Variants in PSD3 observed in about 807,000 individuals in gnomAD.
PSD3 encodes pleckstrin and Sec7 domain containing 3.
PSD3 carries 49 observed loss-of-function variants against 105.5 expected under a neutral mutation model. That is an observed-to-expected ratio of 0.46 (90% CI 0.37 to 0.59). The LOEUF (loss-of-function observed/expected upper bound fraction) is 0.59, where lower values mean the gene tolerates loss of function less well. PSD3 is among the 20% of genes least tolerant of loss of function. The pLI is 0.00. For missense variants in PSD3, 1,561 were observed against 1,263.8 expected (o/e 1.24, Z -3.57); for synonymous variants, 557 against 457.8 (o/e 1.22, Z -2.77).
At chr8:18,684,334 CTTGTGATAT>C (rs1800549361) in intron 9 of PSD3, among the ~76,000 whole-genome samples, 1 of 152,006 alleles carries the variant, frequency 6.6e-6, no homozygotes, top group Non-Finnish European at 1.5e-5. Context: ...CACTATTTCT[CTTGTGATAT>C]TTGTGAAGTA....
At chr8:18,790,162 C>A (rs1051163912) in intron 8 of PSD3, among the ~76,000 whole-genome samples, 3 of 152,036 alleles carry the variant, frequency 2.0e-5, no homozygotes, top group Non-Finnish European at 4.4e-5. Flanking sequence ...ACAAAATTGA[C>A]CAGTGCATGA....
chr8:18,665,128 T>C (rs1442690417), intron 9 of PSD3, among the ~76,000 whole-genome samples: 10 of 152,220 alleles, frequency 6.6e-5, no homozygotes, highest in Admixed American at 6.5e-4. Flanking sequence ...CCAAGTCTTA[T>C]TATTTAAATA....
chr8:18,662,163 T>A (rs946891937), intron 9 of PSD3, among the ~76,000 whole-genome samples: 2 of 152,200 alleles, frequency 1.3e-5, no homozygotes, highest in East Asian at 1.9e-4. Flanking sequence ...CAAATTCGTA[T>A]TAATGAACAC....
At chr8:18,905,386 C>T (rs1203714566) in intron 2 of PSD3, among the ~76,000 whole-genome samples, 5 of 152,148 alleles carry the variant, frequency 3.3e-5, no homozygotes, top group African/African-American at 4.8e-5. Flanking sequence ...TGCAGTGGCG[C>T]GATCTCAGCT....
At chr8:18,664,300 C>T (rs1313295430) in intron 9 of PSD3, among the ~76,000 whole-genome samples, 1 of 152,188 alleles carries the variant, frequency 6.6e-6, no homozygotes, top group East Asian at 1.9e-4. Flanking sequence ...AAAAGTGTTA[C>T]TCCAGGGAAC....
At chr8:18,629,660 G>A (rs891166972) in intron 11 of PSD3, among the ~76,000 whole-genome samples, 4 of 151,844 alleles carry the variant, frequency 2.6e-5, no homozygotes, top group Non-Finnish European at 5.9e-5. Flanking sequence ...AAAGTATAGG[G>A]CCCAAAGACA....
rs112761244 is a variant in PSD3, at chr8:18,603,460, A to T, written c.2411-3026T>A. Among the ~76,000 whole-genome samples, 764 of 152,192 alleles carry T rather than the reference A, an allele frequency of 5.0e-3. 10 individuals carry two copies. The highest frequency in any genetic ancestry group is 0.018 in the African/African-American group (737 of 41,530). On this transcript the variant is annotated intron_variant, in intron 11 of 15. Transcript: ENST00000327040. ...TCCTTTAGAAGTTCCTTTAGTGAGG[A>T]GGGTCTTTTGGTGGCCAATCTTCTA...
At chr8:18,822,139 T>C (rs1812793506) in intron 4 of PSD3, among the ~76,000 whole-genome samples, 1 of 152,242 alleles carries the variant, frequency 6.6e-6, no homozygotes, top group African/African-American at 2.4e-5. Flanking sequence ...TGCAACACAC[T>C]CTTTGTGAAA....
chr8:18,642,400 A>G (rs1291152147), intron 10 of PSD3, among the ~76,000 whole-genome samples: 1 of 152,194 alleles, frequency 6.6e-6, no homozygotes, highest in Admixed American at 6.5e-5. Context: ...ACTACTGTCT[A>G]AAATGCTCCT....
chr8:18,632,656 T>A lies in PSD3; in HGVS notation c.2367A>T (p.Gly789=). Residue 789 remains glycine (G), a synonymous_variant, in exon 11 of 16, where the codon GGA becomes GGT. Transcript: ENST00000327040. ...HDPNAAVYKS[G]FLARKIHADM... is the part of the protein sequence containing the mutation. ...CTGCATGAATTTTCCGAGCCAAGAATCCACTTTTGTACACAGCAGCATTTG... is the reference window on the plus strand; with the variant it reads ...CTGCATGAATTTTCCGAGCCAAGAAACCACTTTTGTACACAGCAGCATTTG... The A allele has an allele frequency of 6.2e-7, 1 of 1,612,572 alleles. No homozygotes were observed.
intron 8 of PSD3, among the ~76,000 whole-genome samples, chr8:18,776,941 G>A (rs1321935661): frequency 6.6e-6 from 1 of 151,902 alleles, no homozygotes; most frequent in African/African-American, 2.4e-5. Context: ...ATGATTTTGT[G>A]TTTCTTTGTA....
chr8:18,736,232 C>A (rs1804143287), intron 9 of PSD3, among the ~76,000 whole-genome samples: 1 of 152,180 alleles, frequency 6.6e-6, no homozygotes, highest in Non-Finnish European at 1.5e-5. Flanking sequence ...CACTCTAGCT[C>A]TGCCACTTAC....
At chr8:18,815,629 C>A (rs932890465) in intron 4 of PSD3, among the ~76,000 whole-genome samples, 1 of 152,050 alleles carries the variant, frequency 6.6e-6, no homozygotes, top group Non-Finnish European at 1.5e-5. Flanking sequence ...CAAATTCTTA[C>A]GACACCTTTT....
At chr8:18,589,689 C>A (rs1160712364) in intron 12 of PSD3, among the ~76,000 whole-genome samples, 1 of 152,126 alleles carries the variant, frequency 6.6e-6, no homozygotes, top group African/African-American at 2.4e-5. Flanking sequence ...GTGGCAGGCA[C>A]CAGATCCAGC....
chr8:19,005,872 T>G (rs536596025), intron 1 of PSD3, among the ~76,000 whole-genome samples: 1 of 151,934 alleles, frequency 6.6e-6, no homozygotes, highest in Admixed American at 6.6e-5. Context: ...TAAAAATCAA[T>G]GAGTGTACAC....
chr8:18,780,470 T>C (rs1808499606), intron 8 of PSD3, among the ~76,000 whole-genome samples: 1 of 152,182 alleles, frequency 6.6e-6, no homozygotes, highest in South Asian at 2.1e-4. Flanking sequence ...TTTTTTGGTT[T>C]TGTGTATCCT....
intron 4 of PSD3, among the ~76,000 whole-genome samples, chr8:18,847,004 C>T (rs7002237): frequency 0.44 from 67,518 of 151,906 alleles, 15,529 homozygotes; most frequent in Admixed American, 0.52. Context: ...GAGAAAAATT[C>T]GCCTCAATTT....
At position 18,582,564 on chromosome 8, in the gene PSD3, T is replaced by G. The variant is rs549841155; in HGVS notation, c.2482-7279A>C. ...CTTGCATGGCTTAAATTACCAATTTTTTGTTAATGACTGTTCAGATCTGCA... is the reference window on the plus strand; with the variant it reads ...CTTGCATGGCTTAAATTACCAATTTGTTGTTAATGACTGTTCAGATCTGCA... On this transcript the variant is annotated intron_variant, in intron 12 of 15. Transcript: ENST00000327040. 9.2e-5 allele frequency among the ~76,000 whole-genome samples: 14 copies of G among 152,238 alleles called. No individual in the cohort carries two copies. The South Asian group carries it at 2.5e-3, about 27-fold the overall frequency.
intron 1 of PSD3, among the ~76,000 whole-genome samples, chr8:19,041,891 T>C (rs931372707): frequency 6.6e-6 from 1 of 152,210 alleles, no homozygotes; most frequent in Non-Finnish European, 1.5e-5. Flanking sequence ...GTTAAAAGAA[T>C]GAAGGAACAT....
Sources: gnomAD v4.1 joint callset for allele counts (sites outside exome capture counted in the v4.1 genomes callset) on GRCh38, gnomAD v4.1.1 for gene constraint, MANE v1.5 for transcripts, NCBI Gene and HGNC (gene_info 2026-07-23, HGNC 2026-07-21) for gene names.